Variants in TMEM266 observed in about 807,000 individuals in gnomAD.
The protein encoded by TMEM266 is Hv1 related protein 1.
A neutral mutation model predicts 50.5 loss-of-function variants in TMEM266; 33 were observed. That is an observed-to-expected ratio of 0.65 (90% CI 0.50 to 0.87). The LOEUF is 0.87. Among genes scored for constraint, TMEM266 ranks in the 40% least tolerant of loss-of-function variants. The pLI, the probability that TMEM266 is intolerant of heterozygous loss-of-function variation, is 0.00. For synonymous variants in TMEM266, 310 were observed against 292.3 expected (o/e 1.06, Z -0.62); for missense variants, 655 against 695.1 (o/e 0.94, Z 0.65).
In TMEM266 at chr15:76,194,441, C is replaced by T. The variant is rs1217811472; in HGVS notation, c.958+2284C>T. On this transcript the variant is annotated intron_variant, in intron 9 of 10. Transcript: ENST00000388942. Reference sequence around the variant, plus strand: ...ATCTTTCATGCCACTCCCCGACTTCCACCTTTCCTGGTTCCCTGTGTCCCT... The same window carrying T: ...ATCTTTCATGCCACTCCCCGACTTCTACCTTTCCTGGTTCCCTGTGTCCCT... 3.3e-5 allele frequency among the ~76,000 whole-genome samples: 5 copies of T among 152,374 alleles called. No individual in the cohort carries two copies. The East Asian group carries it at 7.7e-4, about 23-fold the overall frequency.
intron 9 of TMEM266, among the ~76,000 whole-genome samples, chr15:76,199,813 G>A (rs2038715585): frequency 7.1e-6 from 1 of 139,918 alleles, no homozygotes; most frequent in South Asian, 2.7e-4. Flanking sequence ...AAACGTTCAG[G>A]GTGGAAAGGC....
intron 1 of TMEM266, among the ~76,000 whole-genome samples, chr15:76,072,941 T>C (rs1165621624): frequency 6.6e-6 from 1 of 150,394 alleles, no homozygotes; most frequent in East Asian, 2.0e-4. Flanking sequence ...CAGCCTTCTT[T>C]TTTTTTTGAG....
At chr15:76,117,280 C>T (rs1211090368) in intron 1 of TMEM266, among the ~76,000 whole-genome samples, 4 of 151,686 alleles carry the variant, frequency 2.6e-5, no homozygotes, top group African/African-American at 7.3e-5. Context: ...GTTATTAAAT[C>T]GACTTTTTAC....
intron 1 of TMEM266, among the ~76,000 whole-genome samples, chr15:76,090,177 C>T (rs1047302060): frequency 5.3e-5 from 8 of 152,152 alleles, no homozygotes; most frequent in African/African-American, 1.9e-4. Flanking sequence ...GATGGGACAT[C>T]AGAGAATATC....
At position 76,124,229 on chromosome 15, in the gene TMEM266, C is replaced by T. The variant is rs779837925; in HGVS notation, c.-96-9939C>T. Among the ~76,000 whole-genome samples the T allele has an allele frequency of 9.9e-5, 15 of 152,232 alleles. No homozygotes were observed. The Middle Eastern group carries it at 0.01, about 104-fold the overall frequency. Reference sequence around the variant, plus strand: ...TGATTCTTTCTTCTCGTTTGGGAGTCGGTGTGAGGATGTGCAAGCTGGAGC... The same window carrying T: ...TGATTCTTTCTTCTCGTTTGGGAGTTGGTGTGAGGATGTGCAAGCTGGAGC... On this transcript the variant is annotated intron_variant, in intron 1 of 10. Transcript: ENST00000388942.
At chr15:76,192,217 C>T in intron 9 of TMEM266, 60 bp downstream of exon 9, 1 of 1,369,612 alleles carries the variant, frequency 7.3e-7, no homozygotes, top group Non-Finnish European at 9.4e-7. Flanking sequence ...CCTCGCCTCC[C>T]TCTCGCGCCC....
intron 9 of TMEM266, among the ~76,000 whole-genome samples, chr15:76,198,796 A>G (rs1042370196): frequency 3.0e-5 from 3 of 101,454 alleles, no homozygotes; most frequent in Non-Finnish European, 6.7e-5. Flanking sequence ...AAGAGGATCC[A>G]CCAGCCTGCA....
At chr15:76,155,372 G>A (rs2037909671) in intron 3 of TMEM266, among the ~76,000 whole-genome samples, 1 of 152,186 alleles carries the variant, frequency 6.6e-6, no homozygotes, top group South Asian at 2.1e-4. Flanking sequence ...CCTGAGAGGA[G>A]GGTGTCTAGT....
chr15:76,062,122 C>G (rs888584043), intron 1 of TMEM266, among the ~76,000 whole-genome samples: 1 of 152,156 alleles, frequency 6.6e-6, no homozygotes, highest in Non-Finnish European at 1.5e-5. Context: ...GTAGTTGCAT[C>G]AGTGAAAATT....
At chr15:76,136,309 A>G (rs752516798) in intron 2 of TMEM266, among the ~76,000 whole-genome samples, 8 of 152,158 alleles carry the variant, frequency 5.3e-5, no homozygotes, top group Non-Finnish European at 8.8e-5. Flanking sequence ...GAGCTCCCAC[A>G]CAAGTATAGG....
At position 76,066,640 on chromosome 15, in the gene TMEM266, TAA is replaced by T. The variant is rs111952608; in HGVS notation, c.-97+6640_-97+6641del. On this transcript the variant is annotated intron_variant, in intron 1 of 10. Coordinates refer to ENST00000388942, the MANE Select transcript of TMEM266 (RefSeq NM_152335.3). Reference sequence around the variant, plus strand: ...AAAATCAAAGGAAGGGCTGCCTACTTAAAAAAAAAAAAAAAAATTAACCCCTT... The same window carrying T: ...AAAATCAAAGGAAGGGCTGCCTACTTAAAAAAAAAAAAAAATTAACCCCTT... Among the ~76,000 whole-genome samples, 1,120 of 136,266 alleles carry T rather than the reference TAA, an allele frequency of 8.2e-3. 13 individuals carry two copies. Among genetic ancestry groups the T allele is most frequent in the African/African-American group, 0.029 (1,078 of 37,804 alleles). 89.4% of individuals were successfully genotyped at this position (136,266 alleles called of 152,430 possible).
chr15:76,095,575 C>CT (rs1179435921), intron 1 of TMEM266, among the ~76,000 whole-genome samples: 1 of 151,962 alleles, frequency 6.6e-6, no homozygotes, highest in Non-Finnish European at 1.5e-5. Context: ...CTGAAATTTT[C>CT]TTTTTTTATT....
At chr15:76,103,910 C>CA (rs35293752) in intron 1 of TMEM266, among the ~76,000 whole-genome samples, 4,803 of 126,906 alleles carry the variant, frequency 0.038, 160 homozygotes, top group African/African-American at 0.083. Flanking sequence ...GACTCCATCT[C>CA]AAAAAAAAAA....
intron 4 of TMEM266, among the ~76,000 whole-genome samples, chr15:76,159,528 T>G (rs1329721082): frequency 1.3e-5 from 2 of 152,072 alleles, no homozygotes; most frequent in Non-Finnish European, 2.9e-5. Flanking sequence ...CTCCACCCCA[T>G]GCCCAGCTCC....
intron 9 of TMEM266, among the ~76,000 whole-genome samples, chr15:76,200,240 C>G (rs373830329): frequency 6.6e-6 from 1 of 152,164 alleles, no homozygotes. Context: ...CCTCTCAGGC[C>G]GGTATCCAGG....
At position 76,075,904 on chromosome 15, in the gene TMEM266, T is replaced by G; in HGVS notation, c.-97+15888T>G. ...CACGGGCTTTTTTTGTGTCCCGGGC[T>G]GGAGTGCAGTGGCACAATCATGGGT... On this transcript the variant is annotated intron_variant, in intron 1 of 10. Transcript: ENST00000388942. Among the ~76,000 whole-genome samples the G allele has an allele frequency of 1.6e-5, 2 of 124,688 alleles. 1 individual carries two copies. The highest frequency in any genetic ancestry group is 3.2e-5 in the Non-Finnish European group (2 of 62,596). The allele number at this position is 124,688 out of a possible 152,430, so 81.8% of individuals were successfully genotyped here.
In TMEM266 at chr15:76,189,061, A is replaced by G. The variant is rs192667643; in HGVS notation, c.769-2907A>G. Among the ~76,000 whole-genome samples, 126 of 152,208 alleles carry G rather than the reference A, an allele frequency of 8.3e-4. 1 individual carries two copies. The highest frequency in any genetic ancestry group is 3.0e-3 in the African/African-American group (123 of 41,542). ...ATAAGAATAAAAAAATTAGCCGGGC[A>G]TGTGCCTGTCGTCCCAGTTACTCAG... On this transcript the variant is annotated intron_variant, in intron 8 of 10. Transcript: ENST00000388942.
chr15:76,181,817 C>T (rs1259750648), intron 8 of TMEM266, among the ~76,000 whole-genome samples: 1 of 152,216 alleles, frequency 6.6e-6, no homozygotes, highest in African/African-American at 2.4e-5. Flanking sequence ...GTTTTATGTA[C>T]CTCCATGCGT....
chr15:76,170,614 G>A (rs561125953), intron 6 of TMEM266, among the ~76,000 whole-genome samples: 1 of 152,320 alleles, frequency 6.6e-6, no homozygotes, highest in South Asian at 2.1e-4. Flanking sequence ...TGTTCCCCTC[G>A]GGGAAGGAGG....
Sources: allele counts gnomAD v4.1 joint callset (sites outside exome capture counted in the v4.1 genomes callset), GRCh38; gene constraint gnomAD v4.1.1; transcripts MANE v1.5; gene names NCBI Gene and HGNC (gene_info 2026-07-23, HGNC 2026-07-21).